The following ZCCHC17 variants were observed in gnomAD, a reference collection of about 807,000 sequenced individuals.
The protein encoded by ZCCHC17 is zinc finger CCHC domain-containing protein 17.
ZCCHC17 carries 18 observed loss-of-function variants against 30.6 expected under a neutral mutation model. That is an observed-to-expected ratio of 0.59 (90% CI 0.41 to 0.87). The LOEUF (loss-of-function observed/expected upper bound fraction) is 0.87. ZCCHC17 is among the 40% of genes least tolerant of loss of function. The pLI, the probability that ZCCHC17 is intolerant of heterozygous loss-of-function variation, is 0.00. For missense variants in ZCCHC17, 263 were observed against 284.2 expected (o/e 0.93, Z 0.54); for synonymous variants, 88 against 92.4 (o/e 0.95, Z 0.27).
intron 7 of ZCCHC17, among the ~76,000 whole-genome samples, chr1:31,359,203 A>C (rs1306038961): frequency 2.0e-5 from 3 of 152,124 alleles, no homozygotes; most frequent in Non-Finnish European, 4.4e-5. Context: ...TAGGCTCAAG[A>C]GATCCACCTG....
chr1:31,310,291 C>A, intron 2 of ZCCHC17, 127 bp downstream of exon 2: 2 of 843,592 alleles, frequency 2.4e-6, no homozygotes, highest in Non-Finnish European at 3.6e-6. Context: ...GAAGGGCCAG[C>A]GGAACATCTG....
intron 5 of ZCCHC17, among the ~76,000 whole-genome samples, chr1:31,345,090 G>C (rs971009450): frequency 1.3e-5 from 2 of 151,058 alleles, no homozygotes. Flanking sequence ...ATTACCCTTG[G>C]GGGAGGCAGG....
chr1:31,318,536 G>C (rs770874674), intron 2 of ZCCHC17, among the ~76,000 whole-genome samples: 2 of 152,114 alleles, frequency 1.3e-5, no homozygotes, highest in African/African-American at 2.4e-5. Context: ...TCTGTCAGAT[G>C]TGTATGTATT....
chr1:31,334,770 C>T (rs1638747815), intron 3 of ZCCHC17, among the ~76,000 whole-genome samples: 1 of 152,138 alleles, frequency 6.6e-6, no homozygotes, highest in Non-Finnish European at 1.5e-5. Flanking sequence ...GAATTATTGA[C>T]TTGTTTAAAA....
chr1:31,297,469 G>T (rs768552936), intron 1 of ZCCHC17, among the ~76,000 whole-genome samples: 2 of 152,204 alleles, frequency 1.3e-5, no homozygotes, highest in African/African-American at 2.4e-5. Flanking sequence ...GAGAGACAGT[G>T]ATGAAGGAAA....
intron 6 of ZCCHC17, among the ~76,000 whole-genome samples, chr1:31,347,235 A>G (rs1036701211): frequency 1.3e-5 from 2 of 152,090 alleles, no homozygotes; most frequent in African/African-American, 4.8e-5. Flanking sequence ...TTTTAGCTCT[A>G]TTTCCTCAGG....
At chr1:31,319,399 C>T (rs1303958782) in intron 3 of ZCCHC17, among the ~76,000 whole-genome samples, 2 of 152,130 alleles carry the variant, frequency 1.3e-5, no homozygotes, top group African/African-American at 4.8e-5. Context: ...ACTTCTGAAA[C>T]CAGCTCCTCC....
At chr1:31,318,944 C>A (rs56053258) in intron 2 of ZCCHC17, among the ~76,000 whole-genome samples, 165 bp from the exon 3 acceptor site, 7 of 151,342 alleles carry the variant, frequency 4.6e-5, no homozygotes, top group African/African-American at 7.3e-5. Flanking sequence ...GTCTAAATTT[C>A]AAAAAAAACC....
intron 3 of ZCCHC17, among the ~76,000 whole-genome samples, chr1:31,322,421 C>T (rs1267636673): frequency 6.6e-6 from 1 of 152,126 alleles, no homozygotes; most frequent in Non-Finnish European, 1.5e-5. Context: ...TCACAGAACT[C>T]AGAAAAATGC....
chr1:31,356,783 T>A (rs1639657997), intron 7 of ZCCHC17, among the ~76,000 whole-genome samples: 1 of 152,250 alleles, frequency 6.6e-6, no homozygotes, highest in Non-Finnish European at 1.5e-5. Flanking sequence ...TTGATTTAGT[T>A]GTGTGCATCT....
intron 5 of ZCCHC17, among the ~76,000 whole-genome samples, chr1:31,342,153 T>G (rs1227646103): frequency 6.6e-6 from 1 of 152,166 alleles, no homozygotes; most frequent in African/African-American, 2.4e-5. Flanking sequence ...CAAGCAATTC[T>G]CATTCCTCAG....
chr1:31,336,811 C>T (rs767402832), intron 3 of ZCCHC17, among the ~76,000 whole-genome samples: 12 of 148,792 alleles, frequency 8.1e-5, no homozygotes, highest in Non-Finnish European at 1.5e-4. Context: ...GCTACAGACA[C>T]GTGCCACCAT....
Position 31,310,162 on chromosome 1 carries a change from G to A in ZCCHC17, c.64G>A (p.Glu22Lys). The change falls in exon 2 of 8, where the codon GAG becomes AAG. Residue 22 changes from glutamate (E) to lysine (K), a missense_variant and splice_region_variant. Transcript: ENST00000344147. ...TGCTCTCTACACTATTTTCCAAGGAGAGGTATATTCTTTTGTGCTTTGAAA... is the reference window on the plus strand; with the variant it reads ...TGCTCTCTACACTATTTTCCAAGGAAAGGTATATTCTTTTGTGCTTTGAAA... ...LPALYTIFQGEVAMVTDYGAF... is the reference protein window; with the variant it reads ...LPALYTIFQGKVAMVTDYGAF... The A allele has an allele frequency of 6.2e-7, 1 of 1,614,072 alleles. No individual in the cohort carries two copies. The highest frequency in any genetic ancestry group is 8.5e-7 in the Non-Finnish European group (1 of 1,179,978).
intron 1 of ZCCHC17, among the ~76,000 whole-genome samples, chr1:31,305,047 C>G (rs932528002): frequency 1.3e-5 from 2 of 152,216 alleles, no homozygotes; most frequent in African/African-American, 2.4e-5. Flanking sequence ...TGTGGCCCAC[C>G]ATAAGGTTGG....
rs956512925 is a variant in ZCCHC17 at position 31,340,690 on chromosome 1, C to G, written c.317+1642C>G. On this transcript the variant is annotated intron_variant, in intron 5 of 7. Transcript: ENST00000344147. ...ATTCTATGTGTGTCCTCAGGTTAAC[C>G]ATGCTGTTATTTTGTTGCTTTTGAT... Among the ~76,000 whole-genome samples, 61 of 152,282 alleles carry G rather than the reference C, an allele frequency of 4.0e-4. 2 individuals carry two copies. The highest frequency in any genetic ancestry group is 1.0e-4 in the Non-Finnish European group (7 of 68,030).
intron 2 of ZCCHC17, among the ~76,000 whole-genome samples, chr1:31,317,993 T>C (rs943985437): frequency 6.6e-6 from 1 of 152,252 alleles, no homozygotes; most frequent in African/African-American, 2.4e-5. Flanking sequence ...TTACTTAATC[T>C]CTTCATGCAT....
intron 3 of ZCCHC17, among the ~76,000 whole-genome samples, chr1:31,333,407 C>T (rs1210397020): frequency 1.3e-5 from 2 of 152,046 alleles, no homozygotes; most frequent in East Asian, 3.8e-4. Context: ...CCTGTAATCG[C>T]AGCTACTCGG....
chr1:31,359,546 A>G (rs777657141), intron 7 of ZCCHC17, among the ~76,000 whole-genome samples: 9 of 152,104 alleles, frequency 5.9e-5, no homozygotes, highest in African/African-American at 9.7e-5. Flanking sequence ...AAATAAATAA[A>G]ATAGAAAATT....
At chr1:31,326,171 G>C (rs145696469) in intron 3 of ZCCHC17, among the ~76,000 whole-genome samples, 3 of 152,010 alleles carry the variant, frequency 2.0e-5, no homozygotes, top group East Asian at 1.9e-4. Flanking sequence ...TAGAAGAAAG[G>C]CTGGAGGAAT....
Sources: allele counts gnomAD v4.1 joint callset (sites outside exome capture counted in the v4.1 genomes callset), GRCh38; gene constraint gnomAD v4.1.1; transcripts MANE v1.5; gene names NCBI Gene and HGNC (gene_info 2026-07-23, HGNC 2026-07-21).